The following PADI2 variants were observed in gnomAD, a reference collection of about 807,000 sequenced individuals.
PADI2 encodes the protein peptidyl arginine deiminase 2.
In PADI2, 70 loss-of-function variants were observed where a neutral mutation model predicts 81.1. The ratio of observed to expected loss-of-function variants is 0.86; its 90% confidence interval spans 0.71 to 1.05. The LOEUF (loss-of-function observed/expected upper bound fraction) is 1.05, where lower values mean the gene tolerates loss of function less well. Among genes scored for constraint, PADI2 ranks in the 50% least tolerant of loss-of-function variants. PADI2 has a pLI of 0.00. For synonymous variants in PADI2, 338 were observed against 358.0 expected, an observed-to-expected ratio of 0.94 and a Z score of 0.63; for missense variants, 853 against 889.9, an observed-to-expected ratio of 0.96 and a Z score of 0.53.
chr1:17,072,340 G>A (rs2078269905), intron 13 of PADI2, among the ~76,000 whole-genome samples: 1 of 152,196 alleles, frequency 6.6e-6, no homozygotes, highest in South Asian at 2.1e-4. Flanking sequence ...TGAGGCTTAG[G>A]GACTCAGAAG....
chr1:17,107,027 G>A (rs554100920), intron 1 of PADI2, among the ~76,000 whole-genome samples: 1 of 152,262 alleles, frequency 6.6e-6, no homozygotes, highest in African/African-American at 2.4e-5. Flanking sequence ...TTGGCTTAAG[G>A]AGAGGTGACA....
intron 1 of PADI2, among the ~76,000 whole-genome samples, chr1:17,118,008 A>G (rs1283031095): frequency 1.3e-5 from 2 of 152,178 alleles, no homozygotes; most frequent in Non-Finnish European, 2.9e-5. Context: ...GAGGCCAGGG[A>G]CAGAGGCATG....
intron 1 of PADI2, among the ~76,000 whole-genome samples, chr1:17,107,490 G>A (rs1446691576): frequency 6.6e-6 from 1 of 152,172 alleles, no homozygotes; most frequent in Non-Finnish European, 1.5e-5. Context: ...AACAGACTGC[G>A]GGGCCCCATC....
At chr1:17,094,497 G>A (rs927964051) in intron 4 of PADI2, among the ~76,000 whole-genome samples, 10 of 152,074 alleles carry the variant, frequency 6.6e-5, no homozygotes, top group Non-Finnish European at 1.2e-4. Flanking sequence ...CAGCTTCCCC[G>A]GGTCCACACC....
In PADI2 at chr1:17,079,262, A is replaced by G; in HGVS notation, c.1310+2T>C. The G allele has an allele frequency of 7.4e-6, 12 of 1,612,492 alleles. No individual in the cohort carries two copies. Among genetic ancestry groups the G allele is most frequent in the Non-Finnish European group, 1.0e-5 (12 of 1,178,938 alleles). On this transcript the variant is annotated splice_donor_variant, in intron 11 of 15. Coordinates refer to ENST00000375486, the MANE Select transcript of PADI2 (RefSeq NM_007365.3). LOFTEE classifies it high-confidence loss of function. ...CCCTAGCCCCAGCCTGGCTTCTCTTACAGAGGAAAGCTGCTCCCGATGAGG... is the reference window on the plus strand; with the variant it reads ...CCCTAGCCCCAGCCTGGCTTCTCTTGCAGAGGAAAGCTGCTCCCGATGAGG...
At chr1:17,114,152 GGGCCAAGCTTGGCCACAT>G (rs1931678185) in intron 1 of PADI2, among the ~76,000 whole-genome samples, 1 of 152,200 alleles carries the variant, frequency 6.6e-6, no homozygotes, top group South Asian at 2.1e-4. Context: ...AGCGCTGCTC[GGGCCAAGCTTGGCCACAT>G]GCCCTTGACC....
At position 17,069,191 on chromosome 1, in the gene PADI2, G is replaced by T. The variant is rs372165759; in HGVS notation, c.1851C>A (p.His617Gln). 1 of 1,614,218 alleles carries T rather than the reference G, an allele frequency of 6.2e-7. No individual in the cohort carries two copies. The highest frequency in any genetic ancestry group is 1.1e-5 in the South Asian group (1 of 91,090). The change falls in exon 16 of 16, where the codon CAC becomes CAA. Residue 617 changes from histidine to glutamine, a missense_variant. Coordinates refer to ENST00000375486, the MANE Select transcript of PADI2 (RefSeq NM_007365.3). ...QVEEECCLEM[H>Q]VRGLLEPLGL... ...CCAGGGGCTCCAGGAGGCCACGCAC[G>T]TGCATCTCCAGGCAGCATTCCTCCT...
At chr1:17,109,513 G>GAGAC (rs1277126634) in intron 1 of PADI2, among the ~76,000 whole-genome samples, 82 of 149,768 alleles carry the variant, frequency 5.5e-4, no homozygotes, top group African/African-American at 1.9e-3. Flanking sequence ...TTCTTAAACT[G>GAGAC]AGAGTCGTGC....
At chr1:17,108,660 G>T (rs1211474480) in intron 1 of PADI2, among the ~76,000 whole-genome samples, 9 of 152,128 alleles carry the variant, frequency 5.9e-5, no homozygotes, top group Non-Finnish European at 4.4e-5. Flanking sequence ...TACACACCCT[G>T]GATGCTTTAG....
At chr1:17,117,202 A>G (rs188388833) in intron 1 of PADI2, among the ~76,000 whole-genome samples, 314 of 152,324 alleles carry the variant, frequency 2.1e-3, no homozygotes, top group Non-Finnish European at 3.6e-3. Flanking sequence ...GATGCACTCA[A>G]TCTACGCTGA....
intron 5 of PADI2, 37 bp from the exon 6 acceptor site, chr1:17,092,570 G>C (rs1162201680): frequency 6.5e-7 from 1 of 1,533,698 alleles, no homozygotes; most frequent in South Asian, 1.2e-5. Context: ...AGATCTATCT[G>C]TTGCTGGAGC....
At chr1:17,099,487 TAATTAGCTCA>T (rs949269403) in intron 3 of PADI2, among the ~76,000 whole-genome samples, 10 of 152,236 alleles carry the variant, frequency 6.6e-5, no homozygotes, top group Admixed American at 6.5e-4. Flanking sequence ...CCTTAGGGAT[TAATTAGCTCA>T]AACCCCTTAT....
At chr1:17,087,210 T>C (rs1930504466) in intron 6 of PADI2, among the ~76,000 whole-genome samples, 1 of 152,186 alleles carries the variant, frequency 6.6e-6, no homozygotes, top group South Asian at 2.1e-4. Flanking sequence ...CTCCATATCA[T>C]GGAAGCCGTG....
rs370359859 is a variant in PADI2, at chr1:17,096,898, G to T, written c.350-928C>A. ...ATTTTTGAGCCAAATAACTCTTTGT[G>T]TGGGGGCAGCCTGTGCATTGTAGGA... On this transcript the variant is annotated intron_variant, in intron 3 of 15. Coordinates refer to ENST00000375486, the MANE Select transcript of PADI2 (RefSeq NM_007365.3). 4.6e-5 allele frequency among the ~76,000 whole-genome samples: 7 copies of T among 152,330 alleles called. No homozygotes were observed. The East Asian group carries it at 1.2e-3, about 25-fold the overall frequency.
chr1:17,096,022 C>A (rs1446780100), intron 3 of PADI2, 52 bp from the exon 4 acceptor site: 3 of 1,444,028 alleles, frequency 2.1e-6, no homozygotes, highest in Admixed American at 3.6e-5. Flanking sequence ...CAGGGCAGGG[C>A]AGGGGCAAGA....
At chr1:17,098,466 C>T (rs1406009838) in intron 3 of PADI2, among the ~76,000 whole-genome samples, 1 of 152,220 alleles carries the variant, frequency 6.6e-6, no homozygotes, top group Admixed American at 6.5e-5. Context: ...AATATTTGGA[C>T]ATAGTACAAA....
intron 9 of PADI2, chr1:17,082,862 C>T (rs1037369849): frequency 1.9e-5 from 9 of 462,268 alleles, no homozygotes; most frequent in African/African-American, 1.0e-4. Flanking sequence ...GGTTTCTTAC[C>T]GATATCAGCC....
intron 1 of PADI2, among the ~76,000 whole-genome samples, chr1:17,116,342 G>A (rs547624921): frequency 7.2e-5 from 11 of 152,290 alleles, no homozygotes; most frequent in East Asian, 3.9e-4. Context: ...AGGCCGTTTC[G>A]CTCACCTTTG....
At chr1:17,117,996 T>C (rs1004357954) in intron 1 of PADI2, among the ~76,000 whole-genome samples, 1 of 152,058 alleles carries the variant, frequency 6.6e-6, no homozygotes, top group Non-Finnish European at 1.5e-5. Flanking sequence ...AAGGCAGAGG[T>C]TGAGGCCAGG....
Sources: allele counts gnomAD v4.1 joint callset (sites outside exome capture counted in the v4.1 genomes callset), GRCh38; gene constraint gnomAD v4.1.1; transcripts MANE v1.5; gene names NCBI Gene and HGNC (gene_info 2026-07-23, HGNC 2026-07-21).